The following FHAD1 variants were observed in gnomAD, a reference collection of about 807,000 sequenced individuals.
The protein encoded by FHAD1 is forkhead-associated domain-containing protein 1.
In FHAD1, 146 loss-of-function variants were observed where a neutral mutation model predicts 191.3. That is an observed-to-expected ratio of 0.76 (90% CI 0.67 to 0.88). The LOEUF (loss-of-function observed/expected upper bound fraction) is 0.88. FHAD1 is among the 40% of genes least tolerant of loss of function. The pLI is 0.00. For synonymous variants in FHAD1, 616 were observed against 672.3 expected, an observed-to-expected ratio of 0.92 and a Z score of 1.29; for missense variants, 1,635 against 1,785.8, an observed-to-expected ratio of 0.92 and a Z score of 1.52.
chr1:15,254,863 A>G (rs1647263298), intron 2 of FHAD1, among the ~76,000 whole-genome samples: 1 of 152,196 alleles, frequency 6.6e-6, no homozygotes, highest in African/African-American at 2.4e-5. Flanking sequence ...ATTTGCTTTA[A>G]GAAGGGATGT....
upstream of FHAD1, among the ~76,000 whole-genome samples, chr1:15,242,922 G>C: frequency 6.6e-6 from 1 of 152,288 alleles, no homozygotes; most frequent in Non-Finnish European, 1.5e-5. Flanking sequence ...TCAATAAAAT[G>C]GATTGTTGTA....
Position 15,289,509 on chromosome 1 carries a change from A to T in FHAD1, c.411A>T (p.Gln137His), listed in dbSNP as rs755826698. ...APPPSHIPFHQGVQPAPMQRS... is the reference protein window; with the variant it reads ...APPPSHIPFHHGVQPAPMQRS... ...CACCATCACATATCCCCTTCCACCA[A>T]GGTGTCCAGCCAGCACCGATGCAAA... is the stretch of plus-strand genomic sequence containing the variant. Residue 137 changes from glutamine (Q) to histidine (H), a missense_variant, in exon 4 of 34, where the codon CAA (glutamine) becomes CAT (histidine). Physicochemically the swap from Gln to His is conservative, Grantham distance 24 (BLOSUM62 0). Transcript: ENST00000688493. This position sits in a 1 kb window ranked among gnomAD's most constrained non-coding sequence, Gnocchi z 4.2. 3 of 1,551,820 alleles carry T rather than the reference A, an allele frequency of 1.9e-6. No homozygotes were observed. The highest frequency in any genetic ancestry group is 3.3e-4 in the Middle Eastern group (2 of 5,992).
intron 33 of FHAD1, among the ~76,000 whole-genome samples, chr1:15,393,892 C>G (rs1163226412): frequency 6.6e-6 from 1 of 152,210 alleles, no homozygotes; most frequent in African/African-American, 2.4e-5. Context: ...ACTCCCAGTC[C>G]AAGCTCCAGG....
At chr1:15,278,473 C>CTTTTTTTTTTTTTT (rs1659296373) in intron 3 of FHAD1, among the ~76,000 whole-genome samples, 1 of 94,630 alleles carries the variant, frequency 1.1e-5, no homozygotes, top group African/African-American at 4.9e-5. Context: ...TCTTCATTAC[C>CTTTTTTTTTTTTTT]TCTTTTTTTT....
chr1:15,285,013 C>T (rs1419041796), intron 3 of FHAD1, among the ~76,000 whole-genome samples: 1 of 152,200 alleles, frequency 6.6e-6, no homozygotes, highest in African/African-American at 2.4e-5. Context: ...TGATAACTGA[C>T]CTTGATCCCA....
intron 20 of FHAD1, among the ~76,000 whole-genome samples, chr1:15,355,118 A>G (rs1373079049): frequency 1.3e-5 from 2 of 152,000 alleles, no homozygotes; most frequent in African/African-American, 4.8e-5. Flanking sequence ...CTGAGGCAGG[A>G]GAATCACTTG....
chr1:15,365,044 A>C (rs10803382), intron 23 of FHAD1, among the ~76,000 whole-genome samples: 52,317 of 152,156 alleles, frequency 0.34, 10,523 homozygotes, highest in African/African-American at 0.56. Context: ...ACTGGCTCCC[A>C]GAAGAACACC....
At chr1:15,390,154 T>C (rs1460998905) in intron 32 of FHAD1, among the ~76,000 whole-genome samples, 1 of 152,072 alleles carries the variant, frequency 6.6e-6, no homozygotes. Flanking sequence ...CAGACCAGCC[T>C]GGCCAACATG....
At chr1:15,302,805 G>T (rs1669250425) in intron 6 of FHAD1, among the ~76,000 whole-genome samples, 2 of 152,218 alleles carry the variant, frequency 1.3e-5, no homozygotes, top group Non-Finnish European at 2.9e-5. Flanking sequence ...TTCACCCTCA[G>T]TGCATCATGC....
At chr1:15,358,850 A>G (rs574917802) in intron 21 of FHAD1, among the ~76,000 whole-genome samples, 14 of 152,224 alleles carry the variant, frequency 9.2e-5, no homozygotes, top group Admixed American at 2.0e-4. Context: ...CCAGAAGAGC[A>G]CAGAGTAAAT....
At position 15,360,508 on chromosome 1, in the gene FHAD1, C is replaced by T. The variant is rs954324834; in HGVS notation, c.2767C>T (p.Gln923Ter). Reference sequence around the variant, plus strand: ...GGTGGAAGAGCGGCTAATCCTGCAGCAGAAGATGGTAAAGGCCCTCCAGGA... The same window carrying T: ...GGTGGAAGAGCGGCTAATCCTGCAGTAGAAGATGGTAAAGGCCCTCCAGGA... The part of the protein sequence containing the change: ...IMVEERLILQ[Q>*]KMVKALQDEQ... The change falls in exon 22 of 34, where the codon CAG becomes TAG. Residue 923 changes from glutamine to a stop codon, truncating the protein, a stop_gained. Coordinates refer to ENST00000688493, the MANE Select transcript of FHAD1 (RefSeq NM_001391957.1). LOFTEE classifies it high-confidence loss of function. 6.4e-7 allele frequency: 1 copy of T among 1,551,548 alleles called. No homozygotes were observed. Among genetic ancestry groups the T allele is most frequent in the African/African-American group, 1.4e-5 (1 of 73,134 alleles).
At chr1:15,391,482 C>T (rs1399224085) in intron 33 of FHAD1, among the ~76,000 whole-genome samples, 1 of 152,044 alleles carries the variant, frequency 6.6e-6, no homozygotes, top group African/African-American at 2.4e-5. Flanking sequence ...AGTGAGCCAC[C>T]GCGCCTGGCT....
At chr1:15,334,537 G>A (rs1683175001) in intron 14 of FHAD1, 1 of 152,220 alleles carries the variant, frequency 6.6e-6, no homozygotes, top group Non-Finnish European at 1.5e-5. Context: ...TAGCTGTGTG[G>A]GCAGTTACGT....
downstream of FHAD1, among the ~76,000 whole-genome samples, chr1:15,401,409 C>T (rs1557489348): frequency 6.6e-6 from 1 of 152,356 alleles, no homozygotes; most frequent in East Asian, 1.9e-4. Flanking sequence ...GGTTGCACCA[C>T]AGTACAGTGA....
intron 15 of FHAD1, among the ~76,000 whole-genome samples, chr1:15,340,309 T>A (rs1236483595): frequency 6.6e-6 from 1 of 152,214 alleles, no homozygotes; most frequent in Non-Finnish European, 1.5e-5. Context: ...ACCACAAAAC[T>A]TCAGCGGCAT....
At chr1:15,354,806 T>C (rs148611209) in intron 20 of FHAD1, among the ~76,000 whole-genome samples, 37 of 152,350 alleles carry the variant, frequency 2.4e-4, no homozygotes, top group African/African-American at 8.7e-4. Context: ...CGTGGAAATA[T>C]GACCATTCTT....
At chr1:15,372,337 G>C (rs1328232456) in intron 26 of FHAD1, among the ~76,000 whole-genome samples, 1 of 152,222 alleles carries the variant, frequency 6.6e-6, no homozygotes, top group African/African-American at 2.4e-5. Context: ...GGCTAGCACA[G>C]GGCCGGGGAT....
At chr1:15,354,696 G>A (rs1033679290) in intron 20 of FHAD1, among the ~76,000 whole-genome samples, 3 of 152,148 alleles carry the variant, frequency 2.0e-5, no homozygotes, top group Non-Finnish European at 4.4e-5. Context: ...AGTATATCAT[G>A]AAATCAACGA....
chr1:15,352,612 G>A (rs978117656), intron 19 of FHAD1, among the ~76,000 whole-genome samples: 1 of 152,130 alleles, frequency 6.6e-6, no homozygotes, highest in African/African-American at 2.4e-5. Context: ...TCACCAGCAT[G>A]TCACTTCCTG....
Sources: gnomAD v4.1 joint callset for allele counts (sites outside exome capture counted in the v4.1 genomes callset) on GRCh38, gnomAD v4.1.1 for gene constraint, Gnocchi (gnomAD v3.1) non-coding constraint, MANE v1.5 for transcripts, NCBI Gene and HGNC (gene_info 2026-07-23, HGNC 2026-07-21) for gene names.